The following LRFN5 variants were observed in gnomAD, a reference collection of about 807,000 sequenced individuals.
The protein encoded by LRFN5 is leucine rich repeat and fibronectin type III domain containing 5.
LRFN5 carries 24 observed loss-of-function variants against 45.6 expected under a neutral mutation model. The observed-to-expected ratio is 0.53, with a 90% CI of 0.38 to 0.74. The LOEUF (loss-of-function observed/expected upper bound fraction) is 0.74, where lower values mean the gene tolerates loss of function less well. Among genes scored for constraint, LRFN5 ranks in the 30% least tolerant of loss-of-function variants. The probability of loss-of-function intolerance (pLI) is 0.00; values close to 1 mark genes in which losing one functional copy is unlikely to be tolerated. For synonymous variants in LRFN5, 340 were observed against 313.8 expected (o/e 1.08, Z -0.88); for missense variants, 776 against 861.5 (o/e 0.90, Z 1.24).
intron 4 of LRFN5, chr14:41,893,692 G>C: frequency 1.0e-6 from 1 of 985,052 alleles, no homozygotes; most frequent in Non-Finnish European, 1.2e-6. Flanking sequence ...AATGTATCAT[G>C]ATGCCATTCA....
chr14:41,729,315 C>G (rs955015819), intron 1 of LRFN5, among the ~76,000 whole-genome samples: 2 of 152,054 alleles, frequency 1.3e-5, no homozygotes, highest in Non-Finnish European at 2.9e-5. Context: ...CTCTCTTGCT[C>G]CCATTCTTGC....
At chr14:41,882,107 C>T (rs1197783458) in intron 2 of LRFN5, among the ~76,000 whole-genome samples, 1 of 152,116 alleles carries the variant, frequency 6.6e-6, no homozygotes. Context: ...AGCTCTATTT[C>T]TATTTTACAG....
chr14:41,664,579 T>C (rs1231950960), intron 1 of LRFN5, among the ~76,000 whole-genome samples: 2 of 151,998 alleles, frequency 1.3e-5, no homozygotes, highest in African/African-American at 4.8e-5. Context: ...GGAGGATTGC[T>C]TGAGGACAGG....
chr14:41,841,640 C>T (rs896184207), intron 2 of LRFN5, among the ~76,000 whole-genome samples: 53 of 151,120 alleles, frequency 3.5e-4, no homozygotes, highest in Non-Finnish European at 7.2e-4. Flanking sequence ...TGTTTTTTTT[C>T]CAGTTTTGGG....
At chr14:41,637,970 T>C (rs1010687689) in intron 1 of LRFN5, among the ~76,000 whole-genome samples, 5 of 152,144 alleles carry the variant, frequency 3.3e-5, no homozygotes, top group African/African-American at 1.2e-4. Flanking sequence ...GGATTTAATA[T>C]AAAAACATTC....
intron 1 of LRFN5, among the ~76,000 whole-genome samples, chr14:41,650,268 A>C (rs72684585): frequency 0.11 from 14,200 of 129,150 alleles, 726 homozygotes; most frequent in African/African-American, 0.13. Flanking sequence ...CACACACACA[A>C]AAAAAAAAAA....
intron 2 of LRFN5, among the ~76,000 whole-genome samples, chr14:41,802,459 A>G (rs1366859819): frequency 1.3e-5 from 2 of 152,180 alleles, no homozygotes; most frequent in Non-Finnish European, 2.9e-5. Context: ...GATTCTTCCT[A>G]AAGTGATTTA....
chr14:41,782,269 A>G (rs1003489779), intron 2 of LRFN5, among the ~76,000 whole-genome samples: 2 of 151,344 alleles, frequency 1.3e-5, no homozygotes, highest in South Asian at 2.1e-4. Flanking sequence ...GGGAGTTTCT[A>G]TTGACATTTC....
intron 1 of LRFN5, among the ~76,000 whole-genome samples, chr14:41,691,405 A>G (rs889775693): frequency 6.6e-6 from 1 of 151,978 alleles, no homozygotes; most frequent in Non-Finnish European, 1.5e-5. Context: ...GTTGTCTGTT[A>G]TTATTTCTAA....
intron 2 of LRFN5, among the ~76,000 whole-genome samples, chr14:41,839,345 A>C (rs1364222876): frequency 6.6e-6 from 1 of 152,136 alleles, no homozygotes; most frequent in Non-Finnish European, 1.5e-5. Flanking sequence ...GGAACTTCTT[A>C]ATGAAAGATG....
At chr14:41,855,526 G>C (rs932848601) in intron 2 of LRFN5, among the ~76,000 whole-genome samples, 1 of 152,060 alleles carries the variant, frequency 6.6e-6, no homozygotes, top group Non-Finnish European at 1.5e-5. Flanking sequence ...GTTTTATACA[G>C]TTGGACAAGA....
At chr14:41,825,716 G>T (rs552366683) in intron 2 of LRFN5, among the ~76,000 whole-genome samples, 2 of 152,256 alleles carry the variant, frequency 1.3e-5, no homozygotes, top group East Asian at 3.9e-4. Context: ...TGCATACTCA[G>T]TATAGTGCCT....
chr14:41,727,548 C>T (rs1282414360), intron 1 of LRFN5, among the ~76,000 whole-genome samples: 1 of 152,082 alleles, frequency 6.6e-6, no homozygotes, highest in Non-Finnish European at 1.5e-5. Flanking sequence ...ATTGCTTGAG[C>T]CTAAGAGTTT....
chr14:41,842,604 T>G (rs1386318556), intron 2 of LRFN5, among the ~76,000 whole-genome samples: 2 of 152,142 alleles, frequency 1.3e-5, no homozygotes, highest in Non-Finnish European at 2.9e-5. Flanking sequence ...ACTGATACAT[T>G]TATTTTCAGA....
chr14:41,730,258 C>G (rs1169804409), intron 1 of LRFN5, among the ~76,000 whole-genome samples: 1 of 151,982 alleles, frequency 6.6e-6, no homozygotes, highest in Admixed American at 6.6e-5. Flanking sequence ...AACTACTAAA[C>G]TATATTATTT....
In LRFN5 at chr14:41,888,082, T is replaced by C. The variant is rs927255563; in HGVS notation, c.1385+72T>C. On this transcript the variant is annotated intron_variant, in intron 3 of 5. Coordinates refer to ENST00000298119, the MANE Select transcript of LRFN5 (RefSeq NM_152447.5). The stretch of plus-strand genomic sequence containing the variant: ...TAGAATTTGTTAATGTACTACTGAT[T>C]TTTTTTAATTGGCAGTGCTGTTCTG... 35 of 1,193,514 alleles carry C rather than the reference T, an allele frequency of 2.9e-5. 1 individual carries two copies. The African/African-American group carries it at 4.6e-4, about 16-fold the overall frequency. 73.9% of individuals were successfully genotyped at this position (1,193,514 alleles called of 1,614,324 possible). A position where few individuals can be genotyped will look rare whatever the true frequency, so the allele number is the denominator to read the frequency against.
At chr14:41,751,114 G>A (rs934321550) in intron 1 of LRFN5, among the ~76,000 whole-genome samples, 1 of 151,580 alleles carries the variant, frequency 6.6e-6, no homozygotes, top group African/African-American at 2.4e-5. Context: ...TCACTATCAT[G>A]AGAAGAGCAC....
At chr14:41,650,367 T>C (rs1880053235) in intron 1 of LRFN5, among the ~76,000 whole-genome samples, 1 of 152,004 alleles carries the variant, frequency 6.6e-6, no homozygotes, top group Non-Finnish European at 1.5e-5. Context: ...AATGAGGATA[T>C]GGTGATTTGT....
At chr14:41,612,705 G>C (rs1447778853) in intron 1 of LRFN5, among the ~76,000 whole-genome samples, 1 of 152,024 alleles carries the variant, frequency 6.6e-6, no homozygotes, top group Non-Finnish European at 1.5e-5. Flanking sequence ...ACCTAAGGCT[G>C]TATAATTTGT....
Sources: gnomAD v4.1 joint callset for allele counts (sites outside exome capture counted in the v4.1 genomes callset) on GRCh38, gnomAD v4.1.1 for gene constraint, MANE v1.5 for transcripts, NCBI Gene and HGNC (gene_info 2026-07-23, HGNC 2026-07-21) for gene names.